Variants in NLRP14 observed in about 807,000 individuals in gnomAD.
NLRP14 encodes the protein NACHT, LRR and PYD domains-containing protein 14.
A neutral mutation model predicts 94.7 loss-of-function variants in NLRP14; 105 were observed. The ratio of observed to expected loss-of-function variants is 1.11; its 90% confidence interval spans 0.95 to 1.30. NLRP14 has a LOEUF of 1.30. Among genes scored for constraint, NLRP14 ranks in the 50% most tolerant of loss-of-function variants. NLRP14 has a pLI of 0.00. For missense variants in NLRP14, 1,362 were observed against 1,254.1 expected (o/e 1.09, Z -1.30); for synonymous variants, 508 against 459.9 (o/e 1.10, Z -1.34).
intron 1 of NLRP14, among the ~76,000 whole-genome samples, chr11:7,030,915 ATCT>A (rs1183849453): frequency 1.3e-5 from 2 of 152,150 alleles, no homozygotes; most frequent in African/African-American, 4.8e-5. Flanking sequence ...TGAACACTGA[ATCT>A]TCTGCGGTAA....
chr11:7,022,976 C>T (rs1382111330), intron 1 of NLRP14, among the ~76,000 whole-genome samples: 1 of 151,728 alleles, frequency 6.6e-6, no homozygotes, highest in Non-Finnish European at 1.5e-5. Flanking sequence ...GAAAGAAAGA[C>T]AATAGAAACA....
chr11:7,064,246 C>T (rs1852672181), intron 10 of NLRP14, among the ~76,000 whole-genome samples: 1 of 152,052 alleles, frequency 6.6e-6, no homozygotes, highest in Non-Finnish European at 1.5e-5. Flanking sequence ...GATAAGATTC[C>T]ACATTAGGAG....
intron 10 of NLRP14, among the ~76,000 whole-genome samples, chr11:7,068,038 A>G (rs1045407585): frequency 6.6e-6 from 1 of 151,370 alleles, no homozygotes; most frequent in African/African-American, 2.4e-5. Context: ...GATTTTATCT[A>G]TTTCATCTAA....
downstream of NLRP14, among the ~76,000 whole-genome samples, chr11:7,071,890 A>G (rs1248869810): frequency 6.6e-6 from 1 of 152,158 alleles, no homozygotes; most frequent in African/African-American, 2.4e-5. Context: ...ACTAGTTTCA[A>G]TAGAAATGGG....
chr11:7,066,655 G>C (rs1165417480), intron 10 of NLRP14, among the ~76,000 whole-genome samples: 1 of 152,156 alleles, frequency 6.6e-6, no homozygotes. Context: ...TGTTCACTCT[G>C]ATGACAGTTT....
At chr11:7,039,487 A>C (rs1852215078) in intron 2 of NLRP14, among the ~76,000 whole-genome samples, 1 of 152,104 alleles carries the variant, frequency 6.6e-6, no homozygotes, top group South Asian at 2.1e-4. Flanking sequence ...TGGAGCTACA[A>C]GGTGGGGGCC....
Position 7,043,493 on chromosome 11 carries a change from TA to T in NLRP14, c.1468del (p.Met490CysfsTer5). ...TTCATGTTCAGGAGTTTTTTGCAGC[TA>T]TGTTCTATATGTTGAAAGGCAGTTG... is the stretch of plus-strand genomic sequence containing the variant. ...HLHVQEFFAA[M>X]FYMLKGSWEA... On this transcript the variant is annotated frameshift_variant, in exon 4 of 12. Coordinates refer to ENST00000299481, the MANE Select transcript of NLRP14 (RefSeq NM_176822.4). LOFTEE classifies it high-confidence loss of function. 6.2e-7 allele frequency: 1 copy of T among 1,614,200 alleles called. No individual in the cohort carries two copies. The highest frequency in any genetic ancestry group is 8.5e-7 in the Non-Finnish European group (1 of 1,180,030).
chr11:7,055,561 G>A (rs542852831), intron 6 of NLRP14, among the ~76,000 whole-genome samples: 1 of 152,168 alleles, frequency 6.6e-6, no homozygotes, highest in East Asian at 1.9e-4. Flanking sequence ...TTGAGGAATA[G>A]CCCCTTTTTC....
intron 1 of NLRP14, among the ~76,000 whole-genome samples, chr11:7,037,911 C>G (rs567902454): frequency 6.6e-6 from 1 of 152,248 alleles, no homozygotes; most frequent in South Asian, 2.1e-4. Context: ...TAACACTGAA[C>G]TCACCCAGAC....
chr11:7,048,408 G>T (rs899927351), intron 5 of NLRP14, among the ~76,000 whole-genome samples: 3 of 152,052 alleles, frequency 2.0e-5, no homozygotes, highest in African/African-American at 4.8e-5. Flanking sequence ...TCTGTATTTT[G>T]TGCCTGTCAA....
the NLRP14 span, chr11:7,090,248 A>G: frequency 3.1e-6 from 5 of 1,609,534 alleles, no homozygotes; most frequent in South Asian, 5.6e-5. Flanking sequence ...CCAGGGGCGG[A>G]GGCCGTCTAG....
the NLRP14 span, chr11:7,089,898 C>T: frequency 6.2e-7 from 1 of 1,612,956 alleles, no homozygotes; most frequent in Non-Finnish European, 8.5e-7. Context: ...CTACAGCGAC[C>T]GAGACGGCTA....
chr11:7,033,870 G>A (rs1852128133), intron 1 of NLRP14, among the ~76,000 whole-genome samples: 1 of 152,124 alleles, frequency 6.6e-6, no homozygotes, highest in African/African-American at 2.4e-5. Flanking sequence ...TTTTTCTTAT[G>A]GCTAGACTAG....
At chr11:7,040,888 T>C (rs1255458301) in intron 3 of NLRP14, among the ~76,000 whole-genome samples, 1 of 152,196 alleles carries the variant, frequency 6.6e-6, no homozygotes, top group African/African-American at 2.4e-5. Context: ...CTAATAATTT[T>C]TGTTTTATTA....
chr11:7,031,961 C>G (rs1421058771), intron 1 of NLRP14, among the ~76,000 whole-genome samples: 1 of 152,192 alleles, frequency 6.6e-6, no homozygotes, highest in Admixed American at 6.5e-5. Flanking sequence ...TTAGCACCCC[C>G]ACTCCCTCTA....
At chr11:7,088,914 C>T in the NLRP14 span, 6 of 610,612 alleles carry the variant, frequency 9.8e-6, no homozygotes, top group Admixed American at 3.0e-5. Context: ...ACTTTCCCGA[C>T]GGCGAATTGG....
intron 5 of NLRP14, among the ~76,000 whole-genome samples, chr11:7,049,312 C>A (rs1340892256): frequency 6.6e-6 from 1 of 152,180 alleles, no homozygotes; most frequent in Non-Finnish European, 1.5e-5. Context: ...ACAGTTGATG[C>A]TAATTTTGAA....
intron 8 of NLRP14, 34 bp from the exon 9 acceptor site, chr11:7,059,860 G>A (rs750943805): frequency 6.4e-7 from 1 of 1,573,566 alleles, no homozygotes. Flanking sequence ...GTAGAGCAAT[G>A]ATTCCATCTT....
At chr11:7,082,629 A>G in the NLRP14 span, among the ~76,000 whole-genome samples, 1 of 152,156 alleles carries the variant, frequency 6.6e-6, no homozygotes, top group Admixed American at 6.5e-5. Flanking sequence ...AGTTTCCGTC[A>G]TTACAGAACC....
Sources: allele counts gnomAD v4.1 joint callset (sites outside exome capture counted in the v4.1 genomes callset), GRCh38; gene constraint gnomAD v4.1.1; transcripts MANE v1.5; gene names NCBI Gene and HGNC (gene_info 2026-07-23, HGNC 2026-07-21).